Variants in ABCC2 observed in about 807,000 individuals in gnomAD.
The protein encoded by ABCC2 is ATP binding cassette subfamily C member 2, also known as ATP-binding cassette sub-family C member 2.
ABCC2 carries 157 observed loss-of-function variants against 173.4 expected under a neutral mutation model. The ratio of observed to expected loss-of-function variants is 0.91; its 90% CI spans 0.80 to 1.03. ABCC2 has a LOEUF of 1.03. Among genes scored for constraint, ABCC2 ranks in the 50% least tolerant of loss-of-function variants. ABCC2 has a pLI of 0.00. For missense variants in ABCC2, 1,822 were observed against 1,852.3 expected (o/e 0.98, Z 0.30); for synonymous variants, 657 against 693.5 (o/e 0.95, Z 0.83).
At chr10:99,827,947 G>A (rs909907414) in intron 19 of ABCC2, among the ~76,000 whole-genome samples, 40 of 480 alleles carry the variant, frequency 0.083, 1 homozygote, top group African/African-American at 0.22. Context: ...AAGCCTCCAC[G>A]TTGGGCACCA....
At chr10:99,827,101 C>T (rs2038655891) in intron 19 of ABCC2, among the ~76,000 whole-genome samples, 1 of 151,538 alleles carries the variant, frequency 6.6e-6, no homozygotes, top group Admixed American at 6.6e-5. Context: ...GGCGCCCTGC[C>T]CTGTGGTGCT....
In ABCC2 at chr10:99,814,247, A is replaced by G. The variant is rs1429818022; in HGVS notation, c.2094+1103A>G. On this transcript the variant is annotated intron_variant, in intron 16 of 31. Coordinates refer to ENST00000647814, the MANE Select transcript of ABCC2 (RefSeq NM_000392.5). ...TACACACATGTGTATATATGCACACACGTATGTATACACACGTATGTATAC... is the reference window on the plus strand; with the variant it reads ...TACACACATGTGTATATATGCACACGCGTATGTATACACACGTATGTATAC... Among the ~76,000 whole-genome samples the G allele has an allele frequency of 1.9e-3, 122 of 65,836 alleles. 21 individuals carry two copies. Among genetic ancestry groups the G allele is most frequent in the African/African-American group, 2.7e-3 (38 of 14,076 alleles). The allele number at this position is 65,836 out of a possible 152,430, so 43.2% of individuals were successfully genotyped here. A position where few individuals can be genotyped will look rare whatever the true frequency, so the allele number is the denominator to read the frequency against.
intron 6 of ABCC2, among the ~76,000 whole-genome samples, chr10:99,795,954 A>G (rs1212226617): frequency 1.3e-5 from 2 of 152,198 alleles, no homozygotes; most frequent in Non-Finnish European, 2.9e-5. Context: ...GCAGTCAGCT[A>G]TGGCTCTGTC....
At chr10:99,800,659 T>C (rs2038002225) in intron 9 of ABCC2, 96 bp downstream of exon 9, 3 of 1,377,562 alleles carry the variant, frequency 2.2e-6, no homozygotes, top group Non-Finnish European at 3.1e-6. Context: ...AAATGGTAAC[T>C]TATCTCAACA....
At position 99,851,528 on chromosome 10, in the gene ABCC2, T is replaced by C; in HGVS notation, c.4535T>C (p.Ile1512Thr). 1 of 1,614,138 alleles carries C rather than the reference T, an allele frequency of 6.2e-7. No homozygotes were observed. Among genetic ancestry groups the C allele is most frequent in the Non-Finnish European group, 8.5e-7 (1 of 1,180,004 alleles). ...GTAATGGTCCTAGACAACGGGAAGA[T>C]TATAGAGTGCGGCAGCCCTGAAGAA... is the stretch of plus-strand genomic sequence containing the variant. ...DKVMVLDNGK[I>T]IECGSPEELL... The change falls in exon 32 of 32, where the codon ATT becomes ACT. Residue 1512 changes from isoleucine (I) to threonine (T), a missense_variant. Physicochemically the swap from Ile to Thr is moderately conservative, Grantham distance 89. Coordinates refer to ENST00000647814, the MANE Select transcript of ABCC2 (RefSeq NM_000392.5).
At chr10:99,783,026 A>G in intron 1 of ABCC2, 149 bp downstream of exon 1, 1 of 757,646 alleles carries the variant, frequency 1.3e-6, no homozygotes, top group Non-Finnish European at 2.3e-6. Flanking sequence ...CATAATTCAT[A>G]ATATCTCCAG....
chr10:99,797,710 G>T, intron 7 of ABCC2: 1 of 254,176 alleles, frequency 3.9e-6, no homozygotes, highest in East Asian at 9.4e-5. Flanking sequence ...CTAAAAGATT[G>T]CTCATCTTTT....
At chr10:99,789,617 A>G (rs1370574657) in intron 2 of ABCC2, among the ~76,000 whole-genome samples, 1 of 149,274 alleles carries the variant, frequency 6.7e-6, no homozygotes, top group Non-Finnish European at 1.5e-5. Context: ...TGGGAGGCTG[A>G]GGCAGGAGAA....
At chr10:99,844,645 G>GATCACACAGACTTACCGC (rs376511642) in intron 28 of ABCC2, among the ~76,000 whole-genome samples, 180 bp downstream of exon 28, 102 of 152,302 alleles carry the variant, frequency 6.7e-4, no homozygotes, top group African/African-American at 2.0e-3. Context: ...AGCAGCCAGG[G>GATCACACAGACTTACCGC]ATCACACAGA....
At chr10:99,818,733 A>G in intron 17 of ABCC2, 57 bp from the exon 18 acceptor site, 16 of 1,599,488 alleles carry the variant, frequency 1.0e-5, no homozygotes, top group Non-Finnish European at 1.4e-5. Flanking sequence ...TCCCTATTAG[A>G]TTCTGTGAAG....
chr10:99,846,864 C>T lies in ABCC2; in HGVS notation c.4147-97C>T, dbSNP rs2039025111. 1.2e-5 allele frequency: 18 copies of T among 1,521,930 alleles called. No homozygotes were observed. The South Asian group carries it at 2.0e-4, about 17-fold the overall frequency. 94.3% of individuals were successfully genotyped at this position (1,521,930 alleles called of 1,614,324 possible). A position where few individuals can be genotyped will look rare whatever the true frequency, so the allele number is the denominator to read the frequency against. ...CCAGCTTCCTGCCTCAGGAATCCAT[C>T]TCAGGCCAGTCCTATCCACCATCTC... On this transcript the variant is annotated intron_variant, in intron 29 of 31. Transcript: ENST00000647814.
intron 2 of ABCC2, among the ~76,000 whole-genome samples, chr10:99,790,196 C>G (rs1315746786): frequency 6.6e-6 from 1 of 152,146 alleles, no homozygotes; most frequent in Admixed American, 6.5e-5. Context: ...AGAGGCTTTC[C>G]TTGGTCTCAT....
chr10:99,832,438 G>GA (rs901832334), intron 23 of ABCC2, among the ~76,000 whole-genome samples: 2 of 150,522 alleles, frequency 1.3e-5, no homozygotes, highest in African/African-American at 2.4e-5. Flanking sequence ...GAGTACAAAG[G>GA]AAAAAAAGGC....
At position 99,800,559 on chromosome 10, in the gene ABCC2, A is replaced by G; in HGVS notation, c.1205A>G (p.Lys402Arg). The stretch of plus-strand genomic sequence containing the variant: ...ACAGCTATCATGGCTTCTGTATATA[A>G]GAAGGTAAGCAGAATACGGCAGGTA... ...VRTAIMASVY[K>R]KALTLSNLAR... The change falls in exon 9 of 32, where the codon AAG becomes AGG. Residue 402 changes from lysine to arginine, a missense_variant. Physicochemically the swap from Lys to Arg is conservative, Grantham distance 26. Transcript: ENST00000647814. 1.2e-6 allele frequency: 2 copies of G among 1,614,170 alleles called. No homozygotes were observed. Among genetic ancestry groups the G allele is most frequent in the Middle Eastern group, 1.6e-4 (1 of 6,062 alleles).
chr10:99,845,784 T>A lies in ABCC2; in HGVS notation c.4146+2T>A. 1 of 1,608,946 alleles carries A rather than the reference T, an allele frequency of 6.2e-7. No individual in the cohort carries two copies. The highest frequency in any genetic ancestry group is 8.5e-7 in the Non-Finnish European group (1 of 1,178,488). On this transcript the variant is annotated splice_donor_variant, in intron 29 of 31. Coordinates refer to ENST00000647814, the MANE Select transcript of ABCC2 (RefSeq NM_000392.5). LOFTEE classifies it high-confidence loss of function. ...GAGAAGCTGACCATCATCCCCCAGG[T>A]GAGCTCTAGAACTTACTCGGGCACA...
At chr10:99,803,917 G>C (rs912226414) in intron 9 of ABCC2, 102 bp from the exon 10 acceptor site, 12 of 1,482,084 alleles carry the variant, frequency 8.1e-6, no homozygotes, top group Non-Finnish European at 1.1e-5. Flanking sequence ...TGTCCATATG[G>C]AGCACATCCT....
Position 99,819,207 on chromosome 10 carries a change from G to T in ABCC2, c.2558G>T (p.Gly853Val). Reference protein sequence around the residue: ...GSYSALLAKKGEFAKNLKTFL... With the variant: ...GSYSALLAKKVEFAKNLKTFL... The stretch of plus-strand genomic sequence containing the variant: ...TACAGTGCTCTCCTGGCCAAAAAAG[G>T]AGAGTTTGCTAAGAATCTGAAGACA... The change falls in exon 19 of 32, where the codon GGA becomes GTA. Residue 853 changes from glycine to valine, a missense_variant. Physicochemically the swap from Gly to Val is moderately radical, Grantham distance 109. Coordinates refer to ENST00000647814, the MANE Select transcript of ABCC2 (RefSeq NM_000392.5). The T allele has an allele frequency of 6.2e-7, 1 of 1,614,178 alleles. No individual in the cohort carries two copies. Among genetic ancestry groups the T allele is most frequent in the Non-Finnish European group, 8.5e-7 (1 of 1,180,028 alleles).
chr10:99,814,971 C>CT (rs201601175), intron 16 of ABCC2, among the ~76,000 whole-genome samples: 88 of 142,898 alleles, frequency 6.2e-4, no homozygotes, highest in East Asian at 3.5e-3. Flanking sequence ...GCCCCACTAA[C>CT]TTTTTTTTTT....
At chr10:99,805,636 A>G (rs1489880512) in intron 11 of ABCC2, among the ~76,000 whole-genome samples, 189 bp downstream of exon 11, 2 of 152,098 alleles carry the variant, frequency 1.3e-5, no homozygotes, top group Non-Finnish European at 2.9e-5. Flanking sequence ...TATTCACCCT[A>G]AATAGCTTGT....
Sources: allele counts gnomAD v4.1 joint callset (sites outside exome capture counted in the v4.1 genomes callset), GRCh38; gene constraint gnomAD v4.1.1; transcripts MANE v1.5; gene names NCBI Gene and HGNC (gene_info 2026-07-23, HGNC 2026-07-21).